OSBPL9: variants seen among roughly 807,000 people sequenced by gnomAD.
OSBPL9 encodes oxysterol binding protein like 9.
A neutral mutation model predicts 106.6 loss-of-function variants in OSBPL9; 40 were observed. The ratio of observed to expected loss-of-function variants is 0.38; its 90% confidence interval spans 0.29 to 0.49. The LOEUF (loss-of-function observed/expected upper bound fraction) is 0.49. Ranked by LOEUF, OSBPL9 falls within the 20% of genes least tolerant of loss-of-function variation. OSBPL9 has a pLI of 0.97. For missense variants in OSBPL9, 609 were observed against 887.2 expected (o/e 0.69, Z 3.98); for synonymous variants, 269 against 295.4 (o/e 0.91, Z 0.92).
intron 3 of OSBPL9, among the ~76,000 whole-genome samples, chr1:51,673,199 G>A (rs924290910): frequency 3.0e-4 from 45 of 152,202 alleles, no homozygotes; most frequent in African/African-American, 1.1e-3. Context: ...TTTCTAGGAG[G>A]AGAGAAGGAT....
At chr1:51,675,351 AAATTAATTAATT>A (rs796335507) in intron 3 of OSBPL9, among the ~76,000 whole-genome samples, 1 of 151,944 alleles carries the variant, frequency 6.6e-6, no homozygotes, top group African/African-American at 2.4e-5. Flanking sequence ...GAGAAGCCAG[AAATTAATTAATT>A]AATTAATTTA....
chr1:51,729,790 A>AG lies in OSBPL9; in HGVS notation c.318+15715dup. The stretch of plus-strand genomic sequence containing the variant: ...AATCGGGGCGACCCCTCCGCCGGGG[A>AG]GGGGACGGGAAAGGGGTGGGGGGTG... On this transcript the variant is annotated intron_variant, in intron 4 of 23. Coordinates refer to ENST00000428468, the MANE Select transcript of OSBPL9 (RefSeq NM_024586.6). The surrounding 1 kb of genome is among the most constrained non-coding windows in gnomAD (Gnocchi z 5.1). The AG allele has an allele frequency of 8.4e-7, 1 of 1,194,140 alleles. No individual in the cohort carries two copies. Among genetic ancestry groups the AG allele is most frequent in the Non-Finnish European group, 1.0e-6 (1 of 960,552 alleles). 74.0% of individuals were successfully genotyped at this position (1,194,140 alleles called of 1,614,324 possible). A position where few individuals can be genotyped will look rare whatever the true frequency, so the allele number is the denominator to read the frequency against.
chr1:51,573,653 A>G (rs1645165964), upstream of OSBPL9, among the ~76,000 whole-genome samples: 1 of 151,888 alleles, frequency 6.6e-6, no homozygotes, highest in Non-Finnish European at 1.5e-5. Flanking sequence ...GTCTCTACTA[A>G]AAATATAAAC....
At chr1:51,619,759 T>C (rs998422051) in intron 1 of OSBPL9, among the ~76,000 whole-genome samples, 5 of 152,218 alleles carry the variant, frequency 3.3e-5, no homozygotes, top group African/African-American at 1.2e-4. Context: ...CAATGAATTC[T>C]ACACACATGA....
chr1:51,609,377 T>C (rs1257543267), intron 2 of OSBPL9, among the ~76,000 whole-genome samples: 1 of 149,062 alleles, frequency 6.7e-6, no homozygotes, highest in Non-Finnish European at 1.5e-5. Flanking sequence ...AGGGTGTCAC[T>C]CTGTCGCCCA....
chr1:51,559,440 T>TACACACACACACACAC, the OSBPL9 span, among the ~76,000 whole-genome samples: 1 of 147,536 alleles, frequency 6.8e-6, no homozygotes, highest in African/African-American at 2.5e-5. Context: ...CACACATACA[T>TACACACACACACACAC]ACACACACAC....
At chr1:51,769,906 T>C (rs1673466167) in intron 12 of OSBPL9, among the ~76,000 whole-genome samples, 1 of 152,200 alleles carries the variant, frequency 6.6e-6, no homozygotes, top group Admixed American at 6.5e-5. Flanking sequence ...TTTAGGTCAA[T>C]TGATTTAAAA....
chr1:51,753,617 C>T (rs1571554430), intron 8 of OSBPL9, among the ~76,000 whole-genome samples: 1 of 152,226 alleles, frequency 6.6e-6, no homozygotes, highest in South Asian at 2.1e-4. Context: ...ATTTGAGACC[C>T]CACAGTGATA....
intron 1 of OSBPL9, among the ~76,000 whole-genome samples, chr1:51,650,552 T>A (rs1646451422): frequency 6.6e-6 from 1 of 152,190 alleles, no homozygotes; most frequent in East Asian, 1.9e-4. Flanking sequence ...AAATATATGA[T>A]TCCTGATATT....
chr1:51,564,052 C>CAAAAAAAAAAAAAAAAAAAAAA, the OSBPL9 span, among the ~76,000 whole-genome samples: 21 of 27,378 alleles, frequency 7.7e-4, no homozygotes, highest in African/African-American at 2.2e-3. Context: ...GAGATCATCT[C>CAAAAAAAAAAAAAAAAAAAAAA]AAAAAAAAAA....
At chr1:51,593,878 T>A (rs1160826057) in intron 1 of OSBPL9, among the ~76,000 whole-genome samples, 1 of 147,802 alleles carries the variant, frequency 6.8e-6, no homozygotes, top group Non-Finnish European at 1.5e-5. Flanking sequence ...CCCTATCTAC[T>A]GCACCCTCAA....
chr1:51,745,561 G>A lies in OSBPL9; in HGVS notation c.344G>A (p.Ser115Asn). 1 of 1,610,376 alleles carries A rather than the reference G, an allele frequency of 6.2e-7. No individual in the cohort carries two copies. Among genetic ancestry groups the A allele is most frequent in the Non-Finnish European group, 8.5e-7 (1 of 1,178,706 alleles). The change falls in exon 5 of 24, where the codon AGT becomes AAT. Residue 115 changes from serine to asparagine, a missense_variant. Physicochemically the swap from Ser to Asn is conservative, Grantham distance 46. Around this residue, in one of 5 missense-constraint regions of OSBPL9, gnomAD observed 72 missense variants for 140.5 expected, o/e 0.51. Coordinates refer to ENST00000428468, the MANE Select transcript of OSBPL9 (RefSeq NM_024586.6). The stretch of plus-strand genomic sequence containing the variant: ...GGTTTGGATTCAGGATTTGTTCCTA[G>A]TGTCCAAGATTTTGATAAGAAACTT... ...LQGLDSGFVP[S>N]VQDFDKKLTE...
upstream of OSBPL9, among the ~76,000 whole-genome samples, chr1:51,615,194 G>A (rs191234541): frequency 9.5e-4 from 145 of 152,306 alleles, no homozygotes; most frequent in African/African-American, 3.3e-3. Context: ...GGAGGTTGCA[G>A]TGAGCCGAGA....
intron 13 of OSBPL9, 61 bp from the exon 14 acceptor site, chr1:51,772,544 C>A: frequency 7.9e-7 from 1 of 1,263,118 alleles, no homozygotes; most frequent in Non-Finnish European, 1.2e-6. Context: ...AATTGTAATT[C>A]TAGTATCAGG....
intron 8 of OSBPL9, among the ~76,000 whole-genome samples, chr1:51,755,569 A>C (rs997152649): frequency 2.0e-5 from 3 of 152,224 alleles, no homozygotes; most frequent in African/African-American, 7.2e-5. Flanking sequence ...GGGCAGTGGC[A>C]GCAAGCCACA....
intron 3 of OSBPL9, among the ~76,000 whole-genome samples, chr1:51,697,296 T>C (rs1414127789): frequency 6.6e-6 from 1 of 152,132 alleles, no homozygotes. Flanking sequence ...GTTTTATCCT[T>C]GCTCATATAC....
chr1:51,694,521 GTT>G (rs1655626546), intron 3 of OSBPL9, among the ~76,000 whole-genome samples: 1 of 152,134 alleles, frequency 6.6e-6, no homozygotes, highest in African/African-American at 2.4e-5. Context: ...GTTACTTAAA[GTT>G]TAGTTGCAAT....
At chr1:51,536,295 G>T in the OSBPL9 span, among the ~76,000 whole-genome samples, 45 of 152,010 alleles carry the variant, frequency 3.0e-4, no homozygotes, top group Non-Finnish European at 5.7e-4. Flanking sequence ...CTTTTAAAAA[G>T]GTTTTTTTTC....
upstream of OSBPL9, among the ~76,000 whole-genome samples, chr1:51,615,397 A>G (rs988123768): frequency 2.6e-5 from 4 of 152,202 alleles, no homozygotes; most frequent in Non-Finnish European, 5.9e-5. Flanking sequence ...TATCTCTGCT[A>G]GTATCAAAAG....
Sources: allele counts gnomAD v4.1 joint callset (sites outside exome capture counted in the v4.1 genomes callset), GRCh38; gene constraint gnomAD v4.1.1; regional missense constraint gnomAD v4.1.1; non-coding constraint Gnocchi (gnomAD v3.1); transcripts MANE v1.5; gene names NCBI Gene and HGNC (gene_info 2026-07-23, HGNC 2026-07-21).